The following GBF1 variants were observed in gnomAD, a reference collection of about 807,000 sequenced individuals.
GBF1 encodes Golgi-specific brefeldin A-resistance guanine nucleotide exchange factor 1.
In GBF1, 114 loss-of-function variants were observed where a neutral mutation model predicts 210.5. The ratio of observed to expected loss-of-function variants is 0.54; its 90% CI spans 0.47 to 0.63. The LOEUF is 0.63. Among genes scored for constraint, GBF1 ranks in the 30% least tolerant of loss-of-function variants. The pLI, the probability that GBF1 is intolerant of heterozygous loss-of-function variation, is 0.00. For missense variants in GBF1, 1,851 were observed against 2,357.7 expected, an observed-to-expected ratio of 0.79 and a Z score of 4.45; for synonymous variants, 850 against 889.2, an observed-to-expected ratio of 0.96 and a Z score of 0.78.
chr10:102,374,687 A>G (rs983573147), intron 29 of GBF1, among the ~76,000 whole-genome samples: 11 of 152,236 alleles, frequency 7.2e-5, no homozygotes, highest in Non-Finnish European at 1.2e-4. Flanking sequence ...AAAATTGTAT[A>G]GAAATTAATA....
intron 3 of GBF1, among the ~76,000 whole-genome samples, chr10:102,295,281 A>C (rs902832013): frequency 3.9e-5 from 6 of 152,230 alleles, no homozygotes; most frequent in Admixed American, 6.5e-5. Flanking sequence ...AAGAATAGGG[A>C]GTAGTATGGA....
chr10:102,348,864 T>TG (rs1449017082), intron 4 of GBF1, among the ~76,000 whole-genome samples: 1 of 152,190 alleles, frequency 6.6e-6, no homozygotes, highest in Admixed American at 6.5e-5. Flanking sequence ...GAGAAATGTT[T>TG]GGGGGCCAGG....
upstream of GBF1, among the ~76,000 whole-genome samples, chr10:102,242,812 T>A (rs753817310): frequency 5.9e-5 from 9 of 151,466 alleles, no homozygotes; most frequent in Non-Finnish European, 1.2e-4. Context: ...GCCTGTAGTC[T>A]CAGCTACTGG....
rs1456938401 is a variant in GBF1 at position 102,376,956 on chromosome 10, G to A, written c.4310G>A (p.Arg1437His). The A allele has an allele frequency of 5.0e-6, 8 of 1,614,024 alleles. No individual in the cohort carries two copies. Among genetic ancestry groups the A allele is most frequent in the East Asian group, 2.2e-5 (1 of 44,900 alleles). Reference sequence around the variant, plus strand: ...TCAGGATGCAAGTCCCAGGAGAAACGTGGCAAGAGTCACAAATATGACAGC... The same window carrying A: ...TCAGGATGCAAGTCCCAGGAGAAACATGGCAAGAGTCACAAATATGACAGC... ...LNGGCKSQEK[R>H]GKSHKYDSKG... The change falls in exon 33 of 40, where the codon CGT becomes CAT. Residue 1437 changes from arginine (R) to histidine (H), a missense_variant. By Grantham distance (29) the Arg-to-His change is conservative (BLOSUM62 0). Coordinates refer to ENST00000369983, the MANE Select transcript of GBF1 (RefSeq NM_001377137.1).
At chr10:102,255,979 T>C (rs1419662560) in intron 1 of GBF1, among the ~76,000 whole-genome samples, 1 of 152,246 alleles carries the variant, frequency 6.6e-6, no homozygotes, top group Non-Finnish European at 1.5e-5. Flanking sequence ...AGAGTCTCGC[T>C]CTGTTGCCCA....
At chr10:102,309,345 A>G (rs541539972) in intron 3 of GBF1, among the ~76,000 whole-genome samples, 3 of 152,340 alleles carry the variant, frequency 2.0e-5, no homozygotes, top group South Asian at 2.1e-4. Flanking sequence ...AAATCTGTGG[A>G]TGCAAGTGTG....
chr10:102,235,179 A>ACCC, the GBF1 span, among the ~76,000 whole-genome samples: 2 of 97,374 alleles, frequency 2.1e-5, no homozygotes, highest in African/African-American at 8.9e-5. Context: ...CCCACCCCCC[A>ACCC]CCCCCCCACC....
intron 3 of GBF1, among the ~76,000 whole-genome samples, chr10:102,267,622 G>A (rs921905651): frequency 6.6e-5 from 10 of 152,184 alleles, no homozygotes; most frequent in African/African-American, 1.9e-4. Flanking sequence ...AGTTTAGGGA[G>A]TAAAGTAATA....
At chr10:102,367,640 T>C in intron 21 of GBF1, 80 bp downstream of exon 21, 1 of 877,882 alleles carries the variant, frequency 1.1e-6, no homozygotes. Flanking sequence ...TAGAGTCATG[T>C]CAGACTGCAG....
At chr10:102,277,528 G>A (rs1412653380) in intron 3 of GBF1, among the ~76,000 whole-genome samples, 1 of 151,568 alleles carries the variant, frequency 6.6e-6, no homozygotes, top group Non-Finnish European at 1.5e-5. Flanking sequence ...ACAGGCGCCC[G>A]CCACCACGCC....
At position 102,325,929 on chromosome 10, in the gene GBF1, T is replaced by A. The variant is rs1475766820; in HGVS notation, c.164-18122T>A. 2.6e-5 allele frequency among the ~76,000 whole-genome samples: 4 copies of A among 152,262 alleles called. No homozygotes were observed. The East Asian group carries it at 7.7e-4, about 29-fold the overall frequency. On this transcript the variant is annotated intron_variant, in intron 3 of 39. Transcript: ENST00000369983. ...CCTCCCAAAGTGCTGGGATTATAGG[T>A]GTGAGCCACTGCGCCCAGCCTACAC...
At chr10:102,276,422 A>G (rs2074973228) in intron 3 of GBF1, among the ~76,000 whole-genome samples, 1 of 149,254 alleles carries the variant, frequency 6.7e-6, no homozygotes, top group African/African-American at 2.5e-5. Flanking sequence ...GCTACTCAGG[A>G]GTCTGAGGCA....
chr10:102,343,689 A>G (rs1297625816), intron 3 of GBF1, among the ~76,000 whole-genome samples: 1 of 151,530 alleles, frequency 6.6e-6, no homozygotes, highest in Non-Finnish European at 1.5e-5. Context: ...ATGGTGACAG[A>G]CGCCTATAGT....
In GBF1 at chr10:102,382,206, T is replaced by C. The variant is rs1459558103; in HGVS notation, c.5453T>C (p.Leu1818Pro). The C allele has an allele frequency of 6.2e-7, 1 of 1,614,026 alleles. No individual in the cohort carries two copies. The highest frequency in any genetic ancestry group is 8.5e-7 in the Non-Finnish European group (1 of 1,179,908). Residue 1818 changes from leucine (L) to proline (P), a missense_variant, in exon 40 of 40, where the codon CTG (leucine) becomes CCG (proline). Around this residue, in one of 3 missense-constraint regions of GBF1, gnomAD observed 967 missense variants for 1,247.7 expected, o/e 0.78. Coordinates refer to ENST00000369983, the MANE Select transcript of GBF1 (RefSeq NM_001377137.1). Reference protein sequence around the residue: ...PLILQPLASPLQVGVPPMTLP... With the variant: ...PLILQPLASPPQVGVPPMTLP... The stretch of plus-strand genomic sequence containing the variant: ...ATCCTGCAGCCCTTGGCCTCCCCAC[T>C]GCAGGTGGGCGTGCCACCTATGACT...
chr10:102,327,719 CAAG>C (rs2057012796), intron 3 of GBF1, among the ~76,000 whole-genome samples: 1 of 152,216 alleles, frequency 6.6e-6, no homozygotes, highest in African/African-American at 2.4e-5. Flanking sequence ...TCATCCGTCA[CAAG>C]AAGGCATGTG....
chr10:102,230,917 G>A, the GBF1 span: 13 of 1,612,212 alleles, frequency 8.1e-6, no homozygotes, highest in Non-Finnish European at 1.1e-5. Context: ...GAATGGAAAG[G>A]TCTTGGCGGC....
intron 3 of GBF1, among the ~76,000 whole-genome samples, chr10:102,283,278 T>C (rs2075663674): frequency 6.6e-6 from 1 of 152,226 alleles, no homozygotes; most frequent in African/African-American, 2.4e-5. Flanking sequence ...GCTATGAGCA[T>C]AGAAGCTGTG....
the GBF1 span, chr10:102,231,123 G>T: frequency 6.6e-6 from 10 of 1,509,314 alleles, no homozygotes; most frequent in Middle Eastern, 1.8e-4. Context: ...GGAGAAAGGC[G>T]GTCAGGGCCC....
the GBF1 span, among the ~76,000 whole-genome samples, chr10:102,236,434 G>A: frequency 6.6e-6 from 1 of 152,230 alleles, no homozygotes; most frequent in Admixed American, 6.5e-5. Context: ...CCCTGCTAGG[G>A]ATGTGAGGGA....
Sources: allele counts gnomAD v4.1 joint callset (sites outside exome capture counted in the v4.1 genomes callset), GRCh38; gene constraint gnomAD v4.1.1; regional missense constraint gnomAD v4.1.1; transcripts MANE v1.5; gene names NCBI Gene and HGNC (gene_info 2026-07-23, HGNC 2026-07-21).